Variants in NELL1 observed in about 807,000 individuals in gnomAD.
The protein encoded by NELL1 is protein kinase C-binding protein NELL1.
Under a neutral mutation model 107.4 loss-of-function variants are expected in NELL1, and 76 were observed. The observed-to-expected ratio is 0.71, with a 90% CI of 0.59 to 0.86. The LOEUF is 0.86. NELL1 is among the 40% of genes least tolerant of loss of function. NELL1 has a pLI of 0.00. For missense variants in NELL1, 1,024 were observed against 1,005.5 expected, an observed-to-expected ratio of 1.02 and a Z score of -0.25; for synonymous variants, 353 against 341.2, an observed-to-expected ratio of 1.03 and a Z score of -0.38.
At chr11:21,082,482 A>G (rs1472295790) in intron 12 of NELL1, among the ~76,000 whole-genome samples, 1 of 152,186 alleles carries the variant, frequency 6.6e-6, no homozygotes, top group Non-Finnish European at 1.5e-5. Context: ...GACGATCTGC[A>G]TAAAAACAAG....
At chr11:21,080,726 G>A (rs993372904) in intron 12 of NELL1, among the ~76,000 whole-genome samples, 15 of 151,974 alleles carry the variant, frequency 9.9e-5, no homozygotes, top group African/African-American at 3.4e-4. Flanking sequence ...CTATGTCAAA[G>A]GTATGTACAT....
At chr11:20,696,736 A>G (rs1854627931) in intron 2 of NELL1, among the ~76,000 whole-genome samples, 1 of 152,174 alleles carries the variant, frequency 6.6e-6, no homozygotes, top group South Asian at 2.1e-4. Context: ...CAATAACTTT[A>G]GAAAAATTAC....
At chr11:21,147,500 C>G (rs2133780625) in intron 13 of NELL1, among the ~76,000 whole-genome samples, 1 of 152,248 alleles carries the variant, frequency 6.6e-6, no homozygotes, top group African/African-American at 2.4e-5. Context: ...GAACCCTCTG[C>G]TGTCATAAGT....
chr11:21,229,051 G>A (rs971619004), intron 13 of NELL1, among the ~76,000 whole-genome samples: 1 of 152,024 alleles, frequency 6.6e-6, no homozygotes, highest in African/African-American at 2.4e-5. Flanking sequence ...AACCTTTTTA[G>A]AAGGTGGAAG....
chr11:21,420,340 T>C (rs958287126), intron 15 of NELL1, among the ~76,000 whole-genome samples: 1 of 151,154 alleles, frequency 6.6e-6, no homozygotes, highest in Non-Finnish European at 1.5e-5. Context: ...TAAGTCCCCA[T>C]AAAAGGAACA....
At chr11:21,005,659 C>A (rs1275400548) in intron 12 of NELL1, among the ~76,000 whole-genome samples, 1 of 152,124 alleles carries the variant, frequency 6.6e-6, no homozygotes, top group Non-Finnish European at 1.5e-5. Flanking sequence ...AGGTTAAAAG[C>A]TTTCTGATGT....
At chr11:21,005,882 T>C (rs1852316970) in intron 12 of NELL1, among the ~76,000 whole-genome samples, 1 of 152,132 alleles carries the variant, frequency 6.6e-6, no homozygotes. Flanking sequence ...GTCACTGGTA[T>C]AGCAAAGTAG....
intron 5 of NELL1, among the ~76,000 whole-genome samples, chr11:20,889,733 G>C (rs991084296): frequency 2.0e-5 from 3 of 152,292 alleles, no homozygotes; most frequent in Admixed American, 1.3e-4. Flanking sequence ...AGAGAAGGAG[G>C]AACAGTGCGG....
At chr11:21,034,930 A>G (rs35541537) in intron 12 of NELL1, among the ~76,000 whole-genome samples, 9,698 of 152,172 alleles carry the variant, frequency 0.064, 471 homozygotes, top group Admixed American at 0.093. Context: ...AAAAAAATTT[A>G]AAAGATCAAT....
intron 15 of NELL1, among the ~76,000 whole-genome samples, chr11:21,388,816 G>A (rs919181854): frequency 6.6e-6 from 1 of 151,630 alleles, no homozygotes; most frequent in Non-Finnish European, 1.5e-5. Flanking sequence ...AAACCCAGAG[G>A]GAAATAACAT....
At chr11:20,691,034 T>C (rs1045400575) in intron 2 of NELL1, among the ~76,000 whole-genome samples, 6 of 152,004 alleles carry the variant, frequency 3.9e-5, no homozygotes, top group African/African-American at 1.5e-4. Flanking sequence ...TATTTTATTC[T>C]CTTTGAAGCA....
intron 14 of NELL1, among the ~76,000 whole-genome samples, chr11:21,295,538 T>G (rs1454702893): frequency 1.3e-5 from 2 of 152,004 alleles, no homozygotes; most frequent in Non-Finnish European, 2.9e-5. Flanking sequence ...CACAAAGAAT[T>G]TTGCAAGTAA....
At chr11:21,305,586 G>A (rs1849587530) in intron 14 of NELL1, among the ~76,000 whole-genome samples, 1 of 151,772 alleles carries the variant, frequency 6.6e-6, no homozygotes, top group Non-Finnish European at 1.5e-5. Flanking sequence ...AGGCGATGTT[G>A]TGAATGAACA....
intron 14 of NELL1, among the ~76,000 whole-genome samples, chr11:21,279,628 C>T (rs1346924216): frequency 6.6e-6 from 1 of 152,142 alleles, no homozygotes; most frequent in African/African-American, 2.4e-5. Context: ...TATGAAGCAC[C>T]AGGAACTCTA....
intron 2 of NELL1, among the ~76,000 whole-genome samples, chr11:20,686,233 A>G (rs1854302193): frequency 6.6e-6 from 1 of 152,114 alleles, no homozygotes; most frequent in Non-Finnish European, 1.5e-5. Flanking sequence ...ATTTAAATAG[A>G]AACCTCACTT....
intron 16 of NELL1, among the ~76,000 whole-genome samples, chr11:21,545,543 G>A (rs1210333668): frequency 2.0e-5 from 3 of 151,964 alleles, no homozygotes; most frequent in African/African-American, 7.2e-5. Context: ...TGGTTTTAGG[G>A]TCCTTTCCTC....
chr11:21,080,396 A>G (rs1441310757), intron 12 of NELL1, among the ~76,000 whole-genome samples: 1 of 152,158 alleles, frequency 6.6e-6, no homozygotes, highest in Non-Finnish European at 1.5e-5. Context: ...ATGTACGTAT[A>G]GATTTATGCA....
intron 13 of NELL1, among the ~76,000 whole-genome samples, chr11:21,189,534 A>C (rs1857005771): frequency 6.6e-6 from 1 of 151,792 alleles, no homozygotes; most frequent in Non-Finnish European, 1.5e-5. Context: ...ACTTTAGACA[A>C]GGCATGTGCA....
chr11:20,884,309 T>C (rs1408475037), intron 4 of NELL1, among the ~76,000 whole-genome samples: 2 of 152,244 alleles, frequency 1.3e-5, no homozygotes, highest in African/African-American at 4.8e-5. Flanking sequence ...CATCGCCCTC[T>C]GGCAGGAGGC....
Sources: gnomAD v4.1 joint callset for allele counts (sites outside exome capture counted in the v4.1 genomes callset) on GRCh38, gnomAD v4.1.1 for gene constraint, MANE v1.5 for transcripts, NCBI Gene and HGNC (gene_info 2026-07-23, HGNC 2026-07-21) for gene names.